Variants in SLC23A2 observed in about 807,000 individuals in gnomAD.
The protein encoded by SLC23A2 is solute carrier family 23 member 2.
A neutral mutation model predicts 73.3 loss-of-function variants in SLC23A2; 36 were observed. The observed-to-expected ratio is 0.49, with a 90% confidence interval of 0.38 to 0.65. The LOEUF (loss-of-function observed/expected upper bound fraction) is 0.65, where lower values mean the gene tolerates loss of function less well. Among genes scored for constraint, SLC23A2 ranks in the 30% least tolerant of loss-of-function variants. The pLI, the probability that SLC23A2 is intolerant of heterozygous loss-of-function variation, is 0.00. For synonymous variants in SLC23A2, 343 were observed against 327.3 expected (o/e 1.05, Z -0.52); for missense variants, 507 against 841.6 (o/e 0.60, Z 4.92).
Position 4,932,595 on chromosome 20 carries a change from G to A in SLC23A2, c.-33C>T, listed in dbSNP as rs767949446. On this transcript the variant is annotated 5_prime_UTR_variant, in exon 3 of 17. Transcript: ENST00000338244. Reference sequence around the variant, plus strand: ...AACGAGTAGTTTACACAGCCGTTGGGGAGAGCAGCTGGAAGTGAAGGCTTA... The same window carrying A: ...AACGAGTAGTTTACACAGCCGTTGGAGAGAGCAGCTGGAAGTGAAGGCTTA... The A allele has an allele frequency of 1.7e-6, 2 of 1,181,162 alleles. No homozygotes were observed. The highest frequency in any genetic ancestry group is 2.5e-6 in the Non-Finnish European group (2 of 784,410). 73.2% of individuals were successfully genotyped at this position (1,181,162 alleles called of 1,614,324 possible).
chr20:4,995,466 T>C (rs979493030), intron 1 of SLC23A2, among the ~76,000 whole-genome samples: 10 of 152,002 alleles, frequency 6.6e-5, no homozygotes, highest in Non-Finnish European at 1.5e-4. Flanking sequence ...TAATACAGTA[T>C]CAAAGGACCT....
At chr20:4,924,376 C>G (rs1932601535) in intron 3 of SLC23A2, among the ~76,000 whole-genome samples, 1 of 152,186 alleles carries the variant, frequency 6.6e-6, no homozygotes, top group African/African-American at 2.4e-5. Context: ...TGCCCCCACC[C>G]TCATCCAGCC....
intron 6 of SLC23A2, 199 bp from the exon 7 acceptor site, chr20:4,886,108 G>A (rs1931085694): frequency 5.9e-6 from 3 of 509,626 alleles, no homozygotes; most frequent in Admixed American, 3.6e-5. Context: ...CCTCCCCATT[G>A]CCACTCTCCT....
chr20:4,888,328 G>A (rs544652559), intron 6 of SLC23A2, among the ~76,000 whole-genome samples: 7 of 152,136 alleles, frequency 4.6e-5, no homozygotes, highest in South Asian at 2.1e-4. Flanking sequence ...ACAGAGACAC[G>A]CAAAGCCTAG....
At chr20:4,914,419 G>A (rs1202558955) in intron 3 of SLC23A2, among the ~76,000 whole-genome samples, 1 of 151,754 alleles carries the variant, frequency 6.6e-6, no homozygotes, top group Non-Finnish European at 1.5e-5. Context: ...CAAACTTAGA[G>A]GGAAACTTAA....
chr20:4,941,516 A>T (rs2087040880), intron 2 of SLC23A2, among the ~76,000 whole-genome samples: 1 of 152,134 alleles, frequency 6.6e-6, no homozygotes, highest in Non-Finnish European at 1.5e-5. Flanking sequence ...CAGCCTGGCC[A>T]ACATGGTGAA....
At chr20:4,916,147 G>T (rs943112612) in intron 3 of SLC23A2, among the ~76,000 whole-genome samples, 10 of 152,136 alleles carry the variant, frequency 6.6e-5, no homozygotes, top group African/African-American at 2.4e-4. Flanking sequence ...AAAACTGGCT[G>T]CTGGGAGGAT....
intron 2 of SLC23A2, among the ~76,000 whole-genome samples, chr20:4,940,644 T>C (rs995582104): frequency 6.6e-6 from 1 of 152,240 alleles, no homozygotes; most frequent in Non-Finnish European, 1.5e-5. Context: ...GAAAGATGTT[T>C]ACCCTGTTAT....
rs1416298153 is a variant in SLC23A2, at chr20:4,998,822, TAGGAGACAG to T, written c.-282+2575_-282+2583del. On this transcript the variant is annotated intron_variant, in intron 1 of 16. Coordinates refer to ENST00000338244, the MANE Select transcript of SLC23A2 (RefSeq NM_005116.6). This position sits in a 1 kb window ranked among gnomAD's most constrained non-coding sequence, Gnocchi z 4.1. ...CTGTTGATCTTTTTTTTTTTTTTTT[TAGGAGACAG>T]TCTCACTCTGTCACCCAGGCTGGAG... is the stretch of plus-strand genomic sequence containing the variant. Among the ~76,000 whole-genome samples the T allele has an allele frequency of 5.8e-4, 88 of 151,564 alleles. No homozygotes were observed. The highest frequency in any genetic ancestry group is 8.3e-4 in the Non-Finnish European group (56 of 67,838).
At chr20:4,905,580 A>G (rs1188511634) in intron 4 of SLC23A2, among the ~76,000 whole-genome samples, 1 of 152,252 alleles carries the variant, frequency 6.6e-6, no homozygotes, top group Non-Finnish European at 1.5e-5. Context: ...CCTGTGCTCC[A>G]AAGACTAGAG....
At chr20:4,923,860 G>A (rs140521684) in intron 3 of SLC23A2, among the ~76,000 whole-genome samples, 1 of 152,276 alleles carries the variant, frequency 6.6e-6, no homozygotes, top group East Asian at 1.9e-4. Flanking sequence ...CTGAAAAGGG[G>A]CATGTTCAAA....
upstream of SLC23A2, among the ~76,000 whole-genome samples, chr20:5,004,997 T>C (rs891909342): frequency 1.5e-5 from 1 of 65,232 alleles, no homozygotes; most frequent in Admixed American, 1.9e-4. Context: ...GAACTCCGTC[T>C]CAAAAATAAA....
chr20:4,901,128 G>A (rs548124040), intron 5 of SLC23A2, among the ~76,000 whole-genome samples: 1 of 152,262 alleles, frequency 6.6e-6, no homozygotes, highest in African/African-American at 2.4e-5. Context: ...AGAATGCTCA[G>A]CCCAAGGTAG....
chr20:4,994,369 G>A (rs1005519364), intron 1 of SLC23A2, among the ~76,000 whole-genome samples: 3 of 152,020 alleles, frequency 2.0e-5, no homozygotes, highest in Non-Finnish European at 4.4e-5. Flanking sequence ...AGGTGTTGTA[G>A]TTAGCCCCCA....
chr20:4,897,202 G>A lies in SLC23A2; in HGVS notation c.482+2353C>T, dbSNP rs1467542264. Among the ~76,000 whole-genome samples the A allele has an allele frequency of 3.3e-5, 5 of 152,210 alleles. No individual in the cohort carries two copies. In the East Asian group the frequency reaches 7.7e-4, roughly 24 times the overall value. ...TTCTCTTTGCCCAGGTTAAGAGAACGGGCACCACCCACACCCCGACAACCA... is the reference window on the plus strand; with the variant it reads ...TTCTCTTTGCCCAGGTTAAGAGAACAGGCACCACCCACACCCCGACAACCA... On this transcript the variant is annotated intron_variant, in intron 6 of 16. Transcript: ENST00000338244.
intron 3 of SLC23A2, among the ~76,000 whole-genome samples, chr20:4,920,905 AT>A (rs1352102906): frequency 6.6e-6 from 1 of 152,182 alleles, no homozygotes; most frequent in African/African-American, 2.4e-5. Flanking sequence ...ATTGTTCTGT[AT>A]GATGCAGTAT....
intron 3 of SLC23A2, among the ~76,000 whole-genome samples, chr20:4,921,843 C>T (rs1036603376): frequency 1.3e-5 from 2 of 152,088 alleles, no homozygotes; most frequent in Admixed American, 6.5e-5. Context: ...GGCAGAAGAA[C>T]ATATCAGCAT....
rs375241185 is a variant in SLC23A2, at chr20:4,874,555, G to A, written c.945+21C>T. Reference sequence around the variant, plus strand: ...TAACCAAGGGCAAAAATGTCAGCAGGGGAAGAAGTCAGCTACTCACAGGGA... The same window carrying A: ...TAACCAAGGGCAAAAATGTCAGCAGAGGAAGAAGTCAGCTACTCACAGGGA... On this transcript the variant is annotated intron_variant, in intron 10 of 16. Coordinates refer to ENST00000338244, the MANE Select transcript of SLC23A2 (RefSeq NM_005116.6). 2.4e-4 allele frequency: 371 copies of A among 1,578,382 alleles called. 2 individuals are homozygous for A. The South Asian group carries it at 4.1e-3, about 17-fold the overall frequency.
chr20:4,860,127 A>T (rs1018330274), intron 15 of SLC23A2, among the ~76,000 whole-genome samples: 6 of 152,238 alleles, frequency 3.9e-5, no homozygotes, highest in Admixed American at 6.5e-5. Context: ...TCTTAGGTAT[A>T]TACCCAGGAG....
Sources: allele counts gnomAD v4.1 joint callset (sites outside exome capture counted in the v4.1 genomes callset), GRCh38; gene constraint gnomAD v4.1.1; non-coding constraint Gnocchi (gnomAD v3.1); transcripts MANE v1.5; gene names NCBI Gene and HGNC (gene_info 2026-07-23, HGNC 2026-07-21).